RPS6KC1: variants seen among roughly 807,000 people sequenced by gnomAD.
The protein encoded by RPS6KC1 is inactive ribosomal protein S6 kinase delta-1.
In RPS6KC1, 54 loss-of-function variants were observed where a neutral mutation model predicts 103.8. The observed-to-expected ratio is 0.52, with a 90% CI of 0.42 to 0.65. The LOEUF is 0.65. RPS6KC1 is among the 30% of genes least tolerant of loss of function. The probability of loss-of-function intolerance (pLI) is 0.00; values close to 1 mark genes in which losing one functional copy is unlikely to be tolerated. For synonymous variants in RPS6KC1, 439 were observed against 438.7 expected (o/e 1.00, Z -0.01); for missense variants, 1,151 against 1,253.8 (o/e 0.92, Z 1.24).
the RPS6KC1 span, among the ~76,000 whole-genome samples, chr1:213,801,631 T>C: frequency 1.5e-5 from 2 of 135,838 alleles, no homozygotes; most frequent in African/African-American, 6.9e-5. Context: ...TTGGTGGTGT[T>C]CAAAAGAGGG....
the RPS6KC1 span, among the ~76,000 whole-genome samples, chr1:213,343,440 T>C: frequency 0.68 from 54,019 of 79,864 alleles, 19,680 homozygotes; most frequent in South Asian, 0.74. Context: ...TATATATATA[T>C]ACATACCATG....
intron 14 of RPS6KC1, among the ~76,000 whole-genome samples, chr1:213,267,576 G>A (rs2094941569): frequency 1.3e-5 from 2 of 151,988 alleles, no homozygotes; most frequent in African/African-American, 4.8e-5. Flanking sequence ...GTCTCTGAGT[G>A]TACCCAGACA....
the RPS6KC1 span, among the ~76,000 whole-genome samples, chr1:213,283,323 T>TC: frequency 6.6e-6 from 1 of 151,988 alleles, no homozygotes; most frequent in African/African-American, 2.4e-5. Flanking sequence ...GCCCACATAA[T>TC]CCCCCACAAA....
At chr1:213,557,798 C>G in the RPS6KC1 span, among the ~76,000 whole-genome samples, 1 of 152,016 alleles carries the variant, frequency 6.6e-6, no homozygotes. Context: ...CAGTGGAGAT[C>G]TGGCTGCCTC....
the RPS6KC1 span, among the ~76,000 whole-genome samples, chr1:213,403,972 G>A: frequency 1.3e-5 from 2 of 152,172 alleles, no homozygotes; most frequent in Non-Finnish European, 2.9e-5. Flanking sequence ...TAGGGATTGG[G>A]GTACACCTGG....
intron 8 of RPS6KC1, among the ~76,000 whole-genome samples, chr1:213,194,732 A>G (rs2092876190): frequency 6.6e-6 from 1 of 152,238 alleles, no homozygotes; most frequent in Non-Finnish European, 1.5e-5. Flanking sequence ...CGTGCTGCTT[A>G]TGAGACTCTT....
the RPS6KC1 span, among the ~76,000 whole-genome samples, chr1:213,354,501 A>G: frequency 1.3e-5 from 2 of 152,220 alleles, no homozygotes; most frequent in East Asian, 3.8e-4. Context: ...ACTAAGGGCC[A>G]TTTTCCATTT....
the RPS6KC1 span, among the ~76,000 whole-genome samples, chr1:213,855,609 T>C: frequency 6.6e-6 from 1 of 152,216 alleles, no homozygotes; most frequent in Non-Finnish European, 1.5e-5. Context: ...TCTCTCAGGC[T>C]GAAATCCCTC....
the RPS6KC1 span, among the ~76,000 whole-genome samples, chr1:213,806,555 A>G: frequency 1.4e-5 from 2 of 147,446 alleles, no homozygotes; most frequent in Non-Finnish European, 1.5e-5. Context: ...GTCTCTTTTG[A>G]TCTTTGTTGG....
At chr1:213,298,956 C>T in the RPS6KC1 span, among the ~76,000 whole-genome samples, 1 of 152,188 alleles carries the variant, frequency 6.6e-6, no homozygotes, top group South Asian at 2.1e-4. Flanking sequence ...GCAGGTTCAG[C>T]TCATCTTTGA....
the RPS6KC1 span, among the ~76,000 whole-genome samples, chr1:213,540,498 C>T: frequency 6.6e-6 from 1 of 152,126 alleles, no homozygotes; most frequent in Non-Finnish European, 1.5e-5. Flanking sequence ...TGCATACCAC[C>T]ATGTCTGGCT....
intron 1 of RPS6KC1, among the ~76,000 whole-genome samples, chr1:213,064,873 C>T (rs1007720722): frequency 3.3e-5 from 5 of 150,484 alleles, no homozygotes; most frequent in Non-Finnish European, 5.9e-5. Flanking sequence ...GACAGGGTTT[C>T]ACCGTGTTAG....
the RPS6KC1 span, among the ~76,000 whole-genome samples, chr1:213,431,594 T>C: frequency 6.6e-6 from 1 of 152,166 alleles, no homozygotes. Context: ...ATTCCGTTTT[T>C]AGCGTATGGC....
the RPS6KC1 span, among the ~76,000 whole-genome samples, chr1:213,851,329 C>T: frequency 2.6e-5 from 4 of 152,186 alleles, no homozygotes; most frequent in African/African-American, 9.7e-5. Context: ...TCCCTCTTTG[C>T]AGGCTTGGAA....
At chr1:213,443,855 G>A in the RPS6KC1 span, among the ~76,000 whole-genome samples, 142 of 152,142 alleles carry the variant, frequency 9.3e-4, 1 homozygote, top group Non-Finnish European at 1.3e-3. Context: ...CAGTGAGATC[G>A]CGCCACTGCA....
the RPS6KC1 span, among the ~76,000 whole-genome samples, chr1:213,691,196 G>C: frequency 2.3e-3 from 343 of 152,302 alleles, 10 homozygotes; most frequent in East Asian, 0.052. Flanking sequence ...CTTTTGCTGT[G>C]CCGAGCCAAT....
chr1:213,402,760 G>A, the RPS6KC1 span, among the ~76,000 whole-genome samples: 1 of 152,096 alleles, frequency 6.6e-6, no homozygotes, highest in African/African-American at 2.4e-5. Context: ...AGATCTACAG[G>A]TGTCTGAAGA....
chr1:213,051,704 A>C (rs2076964442), intron 1 of RPS6KC1, among the ~76,000 whole-genome samples, 195 bp downstream of exon 1: 1 of 152,024 alleles, frequency 6.6e-6, no homozygotes, highest in Non-Finnish European at 1.5e-5. Context: ...CCAGGGCTTC[A>C]CTGTAGTAGG....
At chr1:213,619,560 C>A in the RPS6KC1 span, among the ~76,000 whole-genome samples, 1 of 152,176 alleles carries the variant, frequency 6.6e-6, no homozygotes, top group African/African-American at 2.4e-5. Context: ...AGAGAGTCTG[C>A]AACAGCATCT....
Sources: allele counts gnomAD v4.1 joint callset (sites outside exome capture counted in the v4.1 genomes callset), GRCh38; gene constraint gnomAD v4.1.1; transcripts MANE v1.5; gene names NCBI Gene and HGNC (gene_info 2026-07-23, HGNC 2026-07-21).